The following JMJD1C variants were observed in gnomAD, a reference collection of about 807,000 sequenced individuals.
JMJD1C encodes jumonji domain containing 1C, also known as jumonji domain-containing protein 1C.
JMJD1C carries 31 observed loss-of-function variants against 245.3 expected under a neutral mutation model. The ratio of observed to expected loss-of-function variants is 0.13; its 90% CI spans 0.09 to 0.17. The LOEUF is 0.17. Among genes scored for constraint, JMJD1C ranks in the 10% least tolerant of loss-of-function variants. The pLI, the probability that JMJD1C is intolerant of heterozygous loss-of-function variation, is 1.00. For missense variants in JMJD1C, 2,691 were observed against 3,000.2 expected (o/e 0.90, Z 2.41); for synonymous variants, 1,057 against 1,017.4 (o/e 1.04, Z -0.74).
At chr10:63,390,141 GAATA>G (rs1269266292) in intron 1 of JMJD1C, among the ~76,000 whole-genome samples, 1 of 151,666 alleles carries the variant, frequency 6.6e-6, no homozygotes, top group African/African-American at 2.4e-5. Context: ...TGCTTGTTGA[GAATA>G]AACAACAAAA....
At chr10:63,311,360 C>A (rs1939174294) in intron 2 of JMJD1C, among the ~76,000 whole-genome samples, 1 of 152,062 alleles carries the variant, frequency 6.6e-6, no homozygotes, top group Non-Finnish European at 1.5e-5. Context: ...TCCTGGGCAA[C>A]AGAGTGAGAC....
chr10:63,245,038 G>A (rs781542766), intron 3 of JMJD1C, among the ~76,000 whole-genome samples: 2 of 150,038 alleles, frequency 1.3e-5, no homozygotes, highest in Non-Finnish European at 3.0e-5. Context: ...TCGGGAGGCT[G>A]AGGCATGAGA....
At chr10:63,387,629 ATTTTTTTT>A (rs71025169) in intron 1 of JMJD1C, among the ~76,000 whole-genome samples, 6 of 37,868 alleles carry the variant, frequency 1.6e-4, no homozygotes, top group African/African-American at 3.6e-4. Flanking sequence ...GAAAAAAAAA[ATTTTTTTT>A]TTTTTTTTTT....
At chr10:63,362,960 G>A (rs189429832) in intron 2 of JMJD1C, among the ~76,000 whole-genome samples, 21 of 152,110 alleles carry the variant, frequency 1.4e-4, no homozygotes, top group Non-Finnish European at 2.6e-4. Context: ...ATTTATTATT[G>A]TTCTTTTCTC....
intron 2 of JMJD1C, among the ~76,000 whole-genome samples, chr10:63,291,476 G>A (rs2133942063): frequency 6.7e-6 from 1 of 148,792 alleles, no homozygotes; most frequent in South Asian, 2.1e-4. Context: ...TTAGCCAGGT[G>A]TGGTGGCAGG....
At chr10:63,225,653 T>A (rs1398782637) in intron 3 of JMJD1C, among the ~76,000 whole-genome samples, 1 of 151,860 alleles carries the variant, frequency 6.6e-6, no homozygotes, top group East Asian at 1.9e-4. Context: ...TGACACACGC[T>A]TGTGAATCCC....
chr10:63,500,336 T>C (rs1400248771), intron 1 of JMJD1C, among the ~76,000 whole-genome samples: 10 of 151,756 alleles, frequency 6.6e-5, no homozygotes, highest in South Asian at 4.2e-4. Flanking sequence ...GATGGGAGGA[T>C]TGCTTGAGCC....
chr10:63,292,379 A>C (rs534656255), intron 2 of JMJD1C, among the ~76,000 whole-genome samples: 2 of 151,946 alleles, frequency 1.3e-5, no homozygotes, highest in Non-Finnish European at 2.9e-5. Flanking sequence ...TGGGGGGCCA[A>C]GGTGGGCAAC....
chr10:63,315,527 T>C (rs1408250555), intron 2 of JMJD1C, among the ~76,000 whole-genome samples: 1 of 152,162 alleles, frequency 6.6e-6, no homozygotes, highest in Non-Finnish European at 1.5e-5. Flanking sequence ...CTCTTCACTT[T>C]TGAAGGTTAT....
chr10:63,311,679 A>C (rs1939218715), intron 2 of JMJD1C, among the ~76,000 whole-genome samples: 1 of 152,238 alleles, frequency 6.6e-6, no homozygotes, highest in Non-Finnish European at 1.5e-5. Flanking sequence ...AGAAACGTGA[A>C]ACACATTTAT....
intron 3 of JMJD1C, among the ~76,000 whole-genome samples, chr10:63,228,540 A>G (rs979258662): frequency 2.6e-5 from 4 of 152,206 alleles, no homozygotes; most frequent in African/African-American, 7.2e-5. Context: ...TAAAAAGGAA[A>G]AGATAAAAAC....
intron 1 of JMJD1C, among the ~76,000 whole-genome samples, chr10:63,486,162 A>AGC (rs1564964515): frequency 3.2e-5 from 2 of 61,670 alleles, no homozygotes; most frequent in Non-Finnish European, 6.0e-5. Context: ...AAAAAAAAAA[A>AGC]AAAAAACAAA....
At chr10:63,303,362 G>A (rs1860324410) in intron 2 of JMJD1C, among the ~76,000 whole-genome samples, 1 of 152,168 alleles carries the variant, frequency 6.6e-6, no homozygotes, top group Admixed American at 6.5e-5. Context: ...CCGGAGTACA[G>A]TGGTGCAACC....
chr10:63,377,987 GTA>G lies in JMJD1C; in HGVS notation c.333+2329_333+2330del, dbSNP rs1260770271. 4.1e-5 allele frequency among the ~76,000 whole-genome samples: 6 copies of G among 147,888 alleles called. No individual in the cohort carries two copies. In the Admixed American group the frequency reaches 4.1e-4, roughly 10 times the overall value. Reference sequence around the variant, plus strand: ...AATATATCAAAAATTATATATATTAGTATATATATAATATATATGAGTTATCT... The same window carrying G: ...AATATATCAAAAATTATATATATTAGTATATATAATATATATGAGTTATCT... On this transcript the variant is annotated intron_variant, in intron 2 of 25. Coordinates refer to ENST00000399262, the MANE Select transcript of JMJD1C (RefSeq NM_032776.3).
intron 1 of JMJD1C, among the ~76,000 whole-genome samples, chr10:63,392,529 T>C (rs773284844): frequency 2.6e-5 from 4 of 151,590 alleles, no homozygotes; most frequent in Admixed American, 6.6e-5. Context: ...AAAATCCCAT[T>C]AAAAAGTGGG....
chr10:63,521,205 C>T (rs545151980), intron 1 of JMJD1C, among the ~76,000 whole-genome samples: 1 of 152,116 alleles, frequency 6.6e-6, no homozygotes, highest in African/African-American at 2.4e-5. Context: ...CCAGCGCGGG[C>T]TAGGATCCCG....
At chr10:63,294,281 C>CTT (rs879496042) in intron 2 of JMJD1C, among the ~76,000 whole-genome samples, 5 of 142,938 alleles carry the variant, frequency 3.5e-5, no homozygotes, top group African/African-American at 1.3e-4. Context: ...TCAGTTCAAT[C>CTT]TTTTTTTTTT....
chr10:63,345,525 A>G (rs1374489876), intron 2 of JMJD1C, among the ~76,000 whole-genome samples: 1 of 151,552 alleles, frequency 6.6e-6, no homozygotes, highest in Non-Finnish European at 1.5e-5. Flanking sequence ...GGAACAAACT[A>G]CCAATCTATG....
Position 63,208,194 on chromosome 10 carries a change from A to C in JMJD1C, c.3475T>G (p.Leu1159Val), listed in dbSNP as rs778541156. Residue 1159 changes from leucine (L) to valine (V), a missense_variant, in exon 10 of 26, where the codon TTA (leucine) becomes GTA (valine). By Grantham distance (32) the Leu-to-Val change is conservative. Transcript: ENST00000399262. ...LIKHQPESEG[L>V]VGKIPEHLPH... The stretch of plus-strand genomic sequence containing the variant: ...AGATGTTCTGGTATCTTGCCTACTA[A>C]ACCTTCACTTTCTGGTTGGTGTTTA... The C allele has an allele frequency of 4.3e-5, 64 of 1,504,712 alleles. No homozygotes were observed. The highest frequency in any genetic ancestry group is 5.4e-5 in the African/African-American group (4 of 73,750). The allele number at this position is 1,504,712 out of a possible 1,614,324, so 93.2% of individuals were successfully genotyped here. A position where few individuals can be genotyped will look rare whatever the true frequency, so the allele number is the denominator to read the frequency against.
Sources: gnomAD v4.1 joint callset for allele counts (sites outside exome capture counted in the v4.1 genomes callset) on GRCh38, gnomAD v4.1.1 for gene constraint, MANE v1.5 for transcripts, NCBI Gene and HGNC (gene_info 2026-07-23, HGNC 2026-07-21) for gene names.